RPF1: variants seen among roughly 807,000 people sequenced by gnomAD.
RPF1 encodes the protein ribosome production factor 1 homolog.
RPF1 carries 34 observed loss-of-function variants against 41.9 expected under a neutral mutation model. That is an observed-to-expected ratio of 0.81 (90% CI 0.62 to 1.08). The LOEUF (loss-of-function observed/expected upper bound fraction) is 1.08. Ranked by LOEUF, RPF1 falls within the 50% of genes least tolerant of loss-of-function variation. RPF1 has a pLI of 0.00. For missense variants in RPF1, 425 were observed against 435.2 expected (o/e 0.98, Z 0.21); for synonymous variants, 140 against 148.9 (o/e 0.94, Z 0.43).
intron 3 of RPF1, among the ~76,000 whole-genome samples, chr1:84,488,745 TTTTG>T (rs1163558421): frequency 1.3e-5 from 2 of 152,116 alleles, no homozygotes; most frequent in African/African-American, 2.4e-5. Context: ...TTTTGTTTTG[TTTTG>T]TTTGTCATGA....
At chr1:84,484,444 A>AG (rs1681705059) in intron 3 of RPF1, among the ~76,000 whole-genome samples, 1 of 152,126 alleles carries the variant, frequency 6.6e-6, no homozygotes, top group Non-Finnish European at 1.5e-5. Flanking sequence ...AAAAAAAAAA[A>AG]AGTCCCAGGT....
At chr1:84,484,184 T>C (rs937448967) in intron 3 of RPF1, among the ~76,000 whole-genome samples, 1 of 152,180 alleles carries the variant, frequency 6.6e-6, no homozygotes, top group Non-Finnish European at 1.5e-5. Flanking sequence ...GCATTTTAAT[T>C]TATTTTGACA....
At chr1:84,483,118 G>T in intron 3 of RPF1, 123 bp downstream of exon 3, 2 of 564,580 alleles carry the variant, frequency 3.5e-6, no homozygotes, top group Non-Finnish European at 6.5e-6. Context: ...CAGCTAAAAT[G>T]TTGGCATATT....
intron 5 of RPF1, 138 bp downstream of exon 5, chr1:84,490,610 G>A: frequency 1.6e-6 from 1 of 616,494 alleles, no homozygotes; most frequent in Non-Finnish European, 2.6e-6. Flanking sequence ...CTCTTTCCAA[G>A]AGTCTATAAA....
intron 3 of RPF1, among the ~76,000 whole-genome samples, chr1:84,487,687 T>G (rs1345415765): frequency 6.6e-6 from 1 of 152,186 alleles, no homozygotes; most frequent in Admixed American, 6.5e-5. Context: ...AGTTCTTCTT[T>G]CCTTCTAAAA....
At chr1:84,485,605 A>C (rs1451906604) in intron 3 of RPF1, among the ~76,000 whole-genome samples, 1 of 152,110 alleles carries the variant, frequency 6.6e-6, no homozygotes, top group African/African-American at 2.4e-5. Context: ...ATATTATGTT[A>C]AGTCCTTTTT....
chr1:84,496,381 ATTG>A lies in RPF1; in HGVS notation c.1008+14_1008+16del, dbSNP rs1681934837. 6.3e-7 allele frequency: 1 copy of A among 1,582,070 alleles called. No homozygotes were observed. Among genetic ancestry groups the A allele is most frequent in the Non-Finnish European group, 8.6e-7 (1 of 1,165,432 alleles). On this transcript the variant is annotated intron_variant, in intron 8 of 8. Coordinates refer to ENST00000370654, the MANE Select transcript of RPF1 (RefSeq NM_025065.7). ...GAATGGGTCCATAAGGTATGTGCTT[ATTG>A]TTTAAAAAGACTAAGTCATTTTTAA...
chr1:84,483,151 A>G (rs753426705), intron 3 of RPF1, 156 bp downstream of exon 3: 4 of 505,258 alleles, frequency 7.9e-6, no homozygotes, highest in South Asian at 4.1e-5. Flanking sequence ...GGTGAAGACT[A>G]TTTCATAATT....
chr1:84,484,291 G>C (rs1427469656), intron 3 of RPF1, among the ~76,000 whole-genome samples: 1 of 151,984 alleles, frequency 6.6e-6, no homozygotes, highest in African/African-American at 2.4e-5. Context: ...GGCAGACATG[G>C]CGCCCCTTTA....
chr1:84,483,533 C>T (rs1681688582), intron 3 of RPF1, among the ~76,000 whole-genome samples: 1 of 152,112 alleles, frequency 6.6e-6, no homozygotes. Flanking sequence ...TCCAAAAGTG[C>T]TGGGATTACA....
At chr1:84,488,744 G>C (rs1347630067) in intron 3 of RPF1, among the ~76,000 whole-genome samples, 1 of 151,898 alleles carries the variant, frequency 6.6e-6, no homozygotes, top group Non-Finnish European at 1.5e-5. Flanking sequence ...ATTTTGTTTT[G>C]TTTTGTTTGT....
chr1:84,479,277 A>G lies in RPF1; in HGVS notation c.-5A>G. 6.3e-7 allele frequency: 1 copy of G among 1,593,172 alleles called. No homozygotes were observed. The highest frequency in any genetic ancestry group is 8.5e-7 in the Non-Finnish European group (1 of 1,170,428). On this transcript the variant is annotated 5_prime_UTR_variant, in exon 1 of 9. Transcript: ENST00000370654. ...TTTCCGTACGGAAGCAAAGGAGCCA[A>G]GACCATGGCGAAAGCCGGGGATAAG...
At chr1:84,480,134 C>T (rs1681617306) in intron 1 of RPF1, among the ~76,000 whole-genome samples, 1 of 152,174 alleles carries the variant, frequency 6.6e-6, no homozygotes, top group Non-Finnish European at 1.5e-5. Flanking sequence ...GAAGTTCACA[C>T]AATATTATTA....
Position 84,490,391 on chromosome 1 carries a change from G to A in RPF1, c.535G>A (p.Ala179Thr), listed in dbSNP as rs547863842. 1.6e-5 allele frequency: 25 copies of A among 1,611,694 alleles called. 1 individual carries two copies. The South Asian group carries it at 2.2e-4, about 14-fold the overall frequency. Residue 179 changes from alanine to threonine, a missense_variant, in exon 5 of 9, where the codon GCT (alanine) becomes ACT (threonine). Transcript: ENST00000370654. The part of the protein sequence containing the change: ...NSHVYYRRGL[A>T]LKKIIPQCIA... ...ACATGTTTATTACAGAAGAGGACTGGCTCTGAAAAAAATTATTCCACAGTG... is the reference window on the plus strand; with the variant it reads ...ACATGTTTATTACAGAAGAGGACTGACTCTGAAAAAAATTATTCCACAGTG...
Position 84,486,512 on chromosome 1 carries a change from C to T in RPF1, c.367-3121C>T, listed in dbSNP as rs540000607. ...CTGAAGCAGGAGAATGGCGTGAACC[C>T]GGGAGGCGGAGCTTGCAGTGAGCCG... On this transcript the variant is annotated intron_variant, in intron 3 of 8. Transcript: ENST00000370654. Among the ~76,000 whole-genome samples the T allele has an allele frequency of 2.0e-3, 279 of 139,928 alleles. 2 individuals are homozygous for T. Among genetic ancestry groups the T allele is most frequent in the African/African-American group, 7.3e-3 (264 of 36,272 alleles). The allele number at this position is 139,928 out of a possible 152,430, so 91.8% of individuals were successfully genotyped here.
chr1:84,485,692 T>C (rs2101883745), intron 3 of RPF1, among the ~76,000 whole-genome samples: 1 of 152,308 alleles, frequency 6.6e-6, no homozygotes, highest in Middle Eastern at 3.4e-3. Flanking sequence ...GTTAAGGTGG[T>C]GCCTGCCAGG....
chr1:84,494,081 A>G (rs1480144837), intron 5 of RPF1, among the ~76,000 whole-genome samples: 1 of 152,218 alleles, frequency 6.6e-6, no homozygotes. Flanking sequence ...GCTGAGTCCC[A>G]TAGCTGGTTA....
Position 84,497,539 on chromosome 1 carries a change from C to T in RPF1, c.*69C>T. ...TTGAACTTTGGTAAATTATTTTTGA[C>T]AGAATACTCTTTTCAAAATGGCATT... On this transcript the variant is annotated 3_prime_UTR_variant, in exon 9 of 9. Coordinates refer to ENST00000370654, the MANE Select transcript of RPF1 (RefSeq NM_025065.7). The T allele has an allele frequency of 1.7e-6, 2 of 1,166,826 alleles. No homozygotes were observed. The highest frequency in any genetic ancestry group is 2.5e-6 in the Non-Finnish European group (2 of 811,238). 72.3% of individuals were successfully genotyped at this position (1,166,826 alleles called of 1,614,324 possible). A position where few individuals can be genotyped will look rare whatever the true frequency, so the allele number is the denominator to read the frequency against.
At chr1:84,481,920 A>G (rs1681657417) in intron 2 of RPF1, among the ~76,000 whole-genome samples, 1 of 152,238 alleles carries the variant, frequency 6.6e-6, no homozygotes, top group African/African-American at 2.4e-5. Context: ...GAATAGTATT[A>G]GGTTAAACCA....
Sources: allele counts gnomAD v4.1 joint callset (sites outside exome capture counted in the v4.1 genomes callset), GRCh38; gene constraint gnomAD v4.1.1; transcripts MANE v1.5; gene names NCBI Gene and HGNC (gene_info 2026-07-23, HGNC 2026-07-21).